NSG2: variants seen among roughly 807,000 people sequenced by gnomAD.
The protein encoded by NSG2 is neuronal vesicle trafficking associated 2, also known as neuronal vesicle trafficking-associated protein 2.
In NSG2, 4 loss-of-function variants were observed where a neutral mutation model predicts 16.9. The ratio of observed to expected loss-of-function variants is 0.24; its 90% CI spans 0.12 to 0.54. The LOEUF (loss-of-function observed/expected upper bound fraction) is 0.54. NSG2 is among the 20% of genes least tolerant of loss of function. The pLI, the probability that NSG2 is intolerant of heterozygous loss-of-function variation, is 0.95. For synonymous variants in NSG2, 98 were observed against 88.7 expected (o/e 1.11, Z -0.59); for missense variants, 179 against 221.1 (o/e 0.81, Z 1.21).
intron 3 of NSG2, among the ~76,000 whole-genome samples, chr5:174,103,893 A>C (rs1351608675): frequency 2.6e-5 from 4 of 152,186 alleles, no homozygotes; most frequent in African/African-American, 9.7e-5. Flanking sequence ...TGAACCTGGG[A>C]GGTGAAGGTT....
intron 2 of NSG2, among the ~76,000 whole-genome samples, chr5:174,049,371 AC>A (rs1383360836): frequency 4.6e-5 from 7 of 151,982 alleles, no homozygotes; most frequent in South Asian, 2.1e-4. Flanking sequence ...AAACAAAAAA[AC>A]AAACTACAAG....
At chr5:174,056,613 C>T (rs1759970989) in intron 2 of NSG2, 1 of 152,256 alleles carries the variant, frequency 6.6e-6, no homozygotes, top group Non-Finnish European at 1.5e-5. Flanking sequence ...GCACCTGGCA[C>T]CGTGCCTGGC....
At chr5:174,059,560 C>T (rs897422390) in intron 2 of NSG2, among the ~76,000 whole-genome samples, 1 of 152,150 alleles carries the variant, frequency 6.6e-6, no homozygotes, top group South Asian at 2.1e-4. Context: ...ACATGTGTAT[C>T]AGATAGAAAG....
chr5:174,048,009 G>A (rs1044924623), intron 2 of NSG2, among the ~76,000 whole-genome samples: 7 of 152,200 alleles, frequency 4.6e-5, no homozygotes, highest in Non-Finnish European at 1.5e-5. Context: ...AGATAAAGGG[G>A]CTGCTGATTG....
In NSG2 at chr5:174,064,255, A is replaced by G; in HGVS notation, c.153A>G (p.Glu51=). 6 of 1,611,540 alleles carry G rather than the reference A, an allele frequency of 3.7e-6. No individual in the cohort carries two copies. The highest frequency in any genetic ancestry group is 1.7e-5 in the Admixed American group (1 of 59,984). The change falls in exon 3 of 5, where the codon GAA becomes GAG. Residue 51 remains glutamate (E), a synonymous_variant. Transcript: ENST00000303177. Reference sequence around the variant, plus strand: ...AGGTGATTGTGAAGACAAGAACGGAATATCAGCCGGAACAGAAGAACAAAG... The same window carrying G: ...AGGTGATTGTGAAGACAAGAACGGAGTATCAGCCGGAACAGAAGAACAAAG... The part of the protein sequence containing the change: ...PEKVIVKTRT[E]YQPEQKNKGK...
chr5:174,095,820 T>C (rs1180044043), intron 3 of NSG2, among the ~76,000 whole-genome samples: 1 of 152,210 alleles, frequency 6.6e-6, no homozygotes, highest in Non-Finnish European at 1.5e-5. Context: ...AAAGGTAGAC[T>C]TTATGCAAGC....
chr5:174,089,931 G>A (rs1337782826), intron 3 of NSG2, among the ~76,000 whole-genome samples: 1 of 152,156 alleles, frequency 6.6e-6, no homozygotes, highest in Non-Finnish European at 1.5e-5. Flanking sequence ...AGGATGAGAT[G>A]TTAGTGGGGC....
intron 2 of NSG2, among the ~76,000 whole-genome samples, chr5:174,061,849 C>T (rs899808974): frequency 2.6e-5 from 4 of 151,706 alleles, no homozygotes; most frequent in Admixed American, 6.6e-5. Flanking sequence ...ATGATCCACC[C>T]GCCTCAGCCT....
At chr5:174,097,557 C>G (rs541565820) in intron 3 of NSG2, among the ~76,000 whole-genome samples, 1 of 147,812 alleles carries the variant, frequency 6.8e-6, no homozygotes, top group Non-Finnish European at 1.5e-5. Context: ...CTGTATGTCT[C>G]TGTGTGTGTA....
Position 174,107,721 on chromosome 5 carries a change from C to T in NSG2, c.*216C>T, listed in dbSNP as rs574877819. Reference sequence around the variant, plus strand: ...TTCCTTGGTATTGTTGATTCGTCGCCGAGTCAGGCTCATGTACAAAGGCAT... The same window carrying T: ...TTCCTTGGTATTGTTGATTCGTCGCTGAGTCAGGCTCATGTACAAAGGCAT... On this transcript the variant is annotated 3_prime_UTR_variant, in exon 5 of 5. Transcript: ENST00000303177. The surrounding 1 kb of genome is among the most constrained non-coding windows in gnomAD (Gnocchi z 4.5). 7.3e-5 allele frequency: 51 copies of T among 695,218 alleles called. No individual in the cohort carries two copies. Among genetic ancestry groups the T allele is most frequent in the South Asian group, 3.9e-4 (26 of 66,712 alleles). The allele number at this position is 695,218 out of a possible 1,614,324, so 43.1% of individuals were successfully genotyped here.
chr5:174,098,984 A>G (rs559141849), intron 3 of NSG2, among the ~76,000 whole-genome samples: 1 of 152,320 alleles, frequency 6.6e-6, no homozygotes, highest in East Asian at 1.9e-4. Flanking sequence ...AACCGAGTCA[A>G]TAAATATTGA....
In NSG2 at chr5:174,072,049, T is replaced by G. The variant is rs1471991594; in HGVS notation, c.213+7734T>G. ...GCAGGGAGAAACACAGAAACCAGCC[T>G]CCTCAGTGCTGGCCGCTGCACCTAG... On this transcript the variant is annotated intron_variant, in intron 3 of 4. Transcript: ENST00000303177. The surrounding 1 kb of genome is among the most constrained non-coding windows in gnomAD (Gnocchi z 4.0). Among the ~76,000 whole-genome samples the G allele has an allele frequency of 6.6e-6, 1 of 152,088 alleles. No homozygotes were observed. Among genetic ancestry groups the G allele is most frequent in the African/African-American group, 2.4e-5 (1 of 41,412 alleles).
chr5:174,083,670 C>T (rs1760537306), intron 3 of NSG2, among the ~76,000 whole-genome samples: 1 of 152,212 alleles, frequency 6.6e-6, no homozygotes, highest in African/African-American at 2.4e-5. Flanking sequence ...TGGGCAGCTG[C>T]TTGGTTGCCA....
chr5:174,048,864 C>T (rs529472851), intron 2 of NSG2, among the ~76,000 whole-genome samples: 2 of 152,196 alleles, frequency 1.3e-5, no homozygotes, highest in Non-Finnish European at 2.9e-5. Flanking sequence ...ATGCATGCAA[C>T]GTGAAGCCAA....
intron 4 of NSG2, among the ~76,000 whole-genome samples, chr5:174,105,677 A>G (rs969796966): frequency 1.3e-5 from 2 of 152,212 alleles, no homozygotes; most frequent in Admixed American, 6.5e-5. Flanking sequence ...TTACACTCCA[A>G]GTGGTCAGAA....
intron 2 of NSG2, among the ~76,000 whole-genome samples, chr5:174,062,310 A>G (rs1482223000): frequency 1.3e-5 from 2 of 152,126 alleles, no homozygotes; most frequent in Non-Finnish European, 1.5e-5. Context: ...TATTGACAAT[A>G]TTGGTATCTG....
At chr5:174,068,062 G>T (rs1760173632) in intron 3 of NSG2, among the ~76,000 whole-genome samples, 1 of 152,168 alleles carries the variant, frequency 6.6e-6, no homozygotes, top group Non-Finnish European at 1.5e-5. Context: ...CAGTTAGAGA[G>T]CTTGGTGCTG....
intron 3 of NSG2, among the ~76,000 whole-genome samples, chr5:174,100,851 G>A (rs1340573120): frequency 2.0e-5 from 3 of 152,228 alleles, no homozygotes; most frequent in African/African-American, 7.2e-5. Flanking sequence ...TGTTGGCCAG[G>A]GGCCTTATCC....
At chr5:174,065,814 G>T (rs1760129244) in intron 3 of NSG2, among the ~76,000 whole-genome samples, 2 of 152,180 alleles carry the variant, frequency 1.3e-5, no homozygotes, top group African/African-American at 4.8e-5. Flanking sequence ...TAGCTGTGTG[G>T]CCACAAGCGA....
Sources: gnomAD v4.1 joint callset for allele counts (sites outside exome capture counted in the v4.1 genomes callset) on GRCh38, gnomAD v4.1.1 for gene constraint, Gnocchi (gnomAD v3.1) non-coding constraint, MANE v1.5 for transcripts, NCBI Gene and HGNC (gene_info 2026-07-23, HGNC 2026-07-21) for gene names.